Variants in TRMT2B observed in about 807,000 individuals in gnomAD.
TRMT2B encodes the protein tRNA methyltransferase 2B.
A neutral mutation model predicts 39.7 loss-of-function variants in TRMT2B; 34 were observed. The ratio of observed to expected loss-of-function variants is 0.86; its 90% confidence interval spans 0.65 to 1.14. TRMT2B has a LOEUF of 1.14. TRMT2B is among the 50% of genes most tolerant of loss of function. The pLI is 0.00. For synonymous variants in TRMT2B, 132 were observed against 137.3 expected (o/e 0.96, Z 0.27); for missense variants, 318 against 377.2 (o/e 0.84, Z 1.30).
chrX:100,996,541 T>G, the TRMT2B span, among the ~76,000 whole-genome samples: 1 of 111,997 alleles, frequency 8.9e-6, no homozygotes, highest in Admixed American at 9.5e-5. Context: ...GCAACTATTA[T>G]GTATCAACAA....
intron 3 of TRMT2B, 109 bp downstream of exon 3, chrX:101,041,933 G>C (rs2088260987): frequency 1.0e-5 from 10 of 985,472 alleles, no homozygotes; most frequent in Non-Finnish European, 1.4e-5. Flanking sequence ...ACCTCAGGTG[G>C]CCCCTCAAAT....
At chrX:101,022,700 G>A (rs1204101608) in intron 8 of TRMT2B, among the ~76,000 whole-genome samples, 1 of 110,923 alleles carries the variant, frequency 9.0e-6, no homozygotes, top group Non-Finnish European at 1.9e-5. Flanking sequence ...GAGAGGCTGA[G>A]GTGGGAAGAT....
chrX:100,996,475 G>T, the TRMT2B span, among the ~76,000 whole-genome samples: 1 of 111,655 alleles, frequency 9.0e-6, no homozygotes. Flanking sequence ...CAATTACCCT[G>T]ATCTGATCAT....
chrX:101,040,219 G>A (rs187320476), intron 4 of TRMT2B, among the ~76,000 whole-genome samples: 4 of 100,964 alleles, frequency 4.0e-5, no homozygotes, highest in East Asian at 2.9e-4. Context: ...ACTTGAACCC[G>A]GGAGACAGAG....
intron 2 of TRMT2B, among the ~76,000 whole-genome samples, chrX:101,044,995 A>C (rs1233711346): frequency 9.9e-6 from 1 of 101,476 alleles, no homozygotes; most frequent in Non-Finnish European, 2.0e-5. Flanking sequence ...GTGCCATTGC[A>C]CTCCAGCCTG....
At chrX:101,003,233 T>TA in the TRMT2B span, among the ~76,000 whole-genome samples, 1 of 109,757 alleles carries the variant, frequency 9.1e-6, no homozygotes. Flanking sequence ...ATTAAAAAAT[T>TA]AAAAAATATT....
intron 10 of TRMT2B, 41 bp downstream of exon 10, chrX:101,021,060 A>G (rs1412300957): frequency 8.7e-7 from 1 of 1,156,038 alleles, no homozygotes; most frequent in African/African-American, 1.8e-5. Flanking sequence ...GGGCCTTGGG[A>G]GCTGAGCAGC....
chrX:101,009,042 T>C (rs1304268707), downstream of TRMT2B, among the ~76,000 whole-genome samples: 1 of 111,665 alleles, frequency 9.0e-6, no homozygotes. Context: ...AGACTTTGTT[T>C]TCCTGAGCCT....
rs971763208 is a variant in TRMT2B at position 101,051,262 on chromosome X, C to A, written c.-35G>T. On this transcript the variant is annotated 5_prime_UTR_variant, in exon 2 of 14. Transcript: ENST00000372936. ...GTGGTAGGTCTCACCTGCGCAGGGC[C>A]AAGGATCCCTTTTGGAGCAAAATGT... 9 of 750,893 alleles carry A rather than the reference C, an allele frequency of 1.2e-5. No homozygotes were observed. The highest frequency in any genetic ancestry group is 1.4e-5 in the Non-Finnish European group (9 of 638,518). 61.9% of individuals were successfully genotyped at this position (750,893 alleles called of 1,213,427 possible). A position where few individuals can be genotyped will look rare whatever the true frequency, so the allele number is the denominator to read the frequency against.
the TRMT2B span, chrX:100,988,680 A>G: frequency 2.1e-6 from 1 of 468,928 alleles, no homozygotes; most frequent in African/African-American, 2.7e-5. Context: ...TGATTAGGAG[A>G]AAAGCACCTT....
At chrX:100,977,802 T>C in the TRMT2B span, among the ~76,000 whole-genome samples, 1 of 112,675 alleles carries the variant, frequency 8.9e-6, no homozygotes, top group South Asian at 3.7e-4. Context: ...CATAATGTAC[T>C]TGTTCTGCCC....
At chrX:101,047,215 A>C (rs891524503) in intron 2 of TRMT2B, among the ~76,000 whole-genome samples, 1 of 111,063 alleles carries the variant, frequency 9.0e-6, no homozygotes, top group African/African-American at 3.3e-5. Flanking sequence ...TCGAAAAAAA[A>C]AAAAAAAAAG....
intron 7 of TRMT2B, among the ~76,000 whole-genome samples, chrX:101,030,031 G>C (rs1438862912): frequency 9.0e-6 from 1 of 111,284 alleles, no homozygotes; most frequent in Non-Finnish European, 1.9e-5. Flanking sequence ...AGGCTGAGGC[G>C]GGTAGATCAT....
In TRMT2B at chrX:101,051,255, G is replaced by A. The variant is rs2089073387; in HGVS notation, c.-28C>T. The A allele has an allele frequency of 2.7e-6, 2 of 752,330 alleles. No homozygotes were observed. Among genetic ancestry groups the A allele is most frequent in the South Asian group, 6.8e-5 (1 of 14,733 alleles). The allele number at this position is 752,330 out of a possible 1,213,427, so 62.0% of individuals were successfully genotyped here. The stretch of plus-strand genomic sequence containing the variant: ...AGACTATGTGGTAGGTCTCACCTGC[G>A]CAGGGCCAAGGATCCCTTTTGGAGC... On this transcript the variant is annotated 5_prime_UTR_variant, in exon 2 of 14. Transcript: ENST00000372936.
the TRMT2B span, among the ~76,000 whole-genome samples, chrX:100,978,724 A>G: frequency 9.1e-6 from 1 of 109,861 alleles, no homozygotes; most frequent in East Asian, 2.8e-4. Flanking sequence ...TACTACTGTC[A>G]CCTTGTTATT....
chrX:101,013,336 A>G (rs1409235625), intron 13 of TRMT2B, among the ~76,000 whole-genome samples: 4 of 111,871 alleles, frequency 3.6e-5, no homozygotes, highest in Non-Finnish European at 5.6e-5. Flanking sequence ...GAGGGACAGA[A>G]TTATTTTTAC....
At chrX:100,987,027 A>T in the TRMT2B span, 1 of 440,816 alleles carries the variant, frequency 2.3e-6, no homozygotes, top group Non-Finnish European at 3.9e-6. Context: ...CAACACCCAC[A>T]GTGATTCCTG....
At chrX:101,004,104 C>A in the TRMT2B span, among the ~76,000 whole-genome samples, 1 of 111,623 alleles carries the variant, frequency 9.0e-6, no homozygotes, top group Non-Finnish European at 1.9e-5. Flanking sequence ...CAGGCTCAAG[C>A]AATTCTTCTG....
At chrX:101,047,207 G>C (rs1033213674) in intron 2 of TRMT2B, among the ~76,000 whole-genome samples, 64 of 82,689 alleles carry the variant, frequency 7.7e-4, no homozygotes, top group Non-Finnish European at 6.7e-4. Flanking sequence ...ACCCTGTCTC[G>C]AAAAAAAAAA....
Sources: allele counts gnomAD v4.1 joint callset (sites outside exome capture counted in the v4.1 genomes callset), GRCh38; gene constraint gnomAD v4.1.1; transcripts MANE v1.5; gene names NCBI Gene and HGNC (gene_info 2026-07-23, HGNC 2026-07-21).